The following ELAVL4 variants were observed in gnomAD, a reference collection of about 807,000 sequenced individuals.
ELAVL4 encodes the protein ELAV like RNA binding protein 4.
A neutral mutation model predicts 35.6 loss-of-function variants in ELAVL4; 1 was observed. That is an observed-to-expected ratio of 0.03 (90% CI 0.01 to 0.13). ELAVL4 has a LOEUF of 0.13. Ranked by LOEUF, ELAVL4 falls within the 10% of genes least tolerant of loss-of-function variation. The pLI is 1.00. For synonymous variants in ELAVL4, 156 were observed against 171.0 expected, an observed-to-expected ratio of 0.91 and a Z score of 0.69; for missense variants, 267 against 464.9, an observed-to-expected ratio of 0.57 and a Z score of 3.91.
chr1:50,085,702 G>A (rs1017121185), intron 1 of ELAVL4, among the ~76,000 whole-genome samples: 3 of 152,136 alleles, frequency 2.0e-5, no homozygotes, highest in Admixed American at 1.3e-4. Flanking sequence ...TGACAGATGA[G>A]GTACCATTTT....
At chr1:50,171,323 T>C (rs1356531130) in intron 2 of ELAVL4, among the ~76,000 whole-genome samples, 1 of 152,164 alleles carries the variant, frequency 6.6e-6, no homozygotes, top group African/African-American at 2.4e-5. Flanking sequence ...CACTTAAACT[T>C]GGGCCAGTCC....
chr1:50,127,616 C>T (rs1221820243), intron 1 of ELAVL4, among the ~76,000 whole-genome samples: 1 of 152,116 alleles, frequency 6.6e-6, no homozygotes, highest in African/African-American at 2.4e-5. Flanking sequence ...GATCAAGTGC[C>T]ATGGAACTCA....
chr1:50,148,496 C>T (rs1343097687), intron 2 of ELAVL4, among the ~76,000 whole-genome samples: 1 of 152,192 alleles, frequency 6.6e-6, no homozygotes, highest in Non-Finnish European at 1.5e-5. Context: ...TTTTAAGATA[C>T]CTTGCTTTTG....
chr1:50,083,268 GT>G lies in ELAVL4; in HGVS notation c.18+35088del, dbSNP rs564964178. ...TTTTTGAGACACTGGGTATTGGTTT[GT>G]TGTCCTGGCTTGTCTCAAACCCCCA... On this transcript the variant is annotated intron_variant, in intron 1 of 6. Transcript: ENST00000448907. 9.2e-5 allele frequency among the ~76,000 whole-genome samples: 14 copies of G among 152,068 alleles called. No homozygotes were observed. In the East Asian group the frequency reaches 2.7e-3, roughly 29 times the overall value.
At chr1:50,184,752 C>G (rs779419291) in intron 3 of ELAVL4, among the ~76,000 whole-genome samples, 11 of 152,080 alleles carry the variant, frequency 7.2e-5, no homozygotes, top group Non-Finnish European at 1.0e-4. Context: ...TAATGAGGCT[C>G]CGATCATCGG....
intron 2 of ELAVL4, among the ~76,000 whole-genome samples, chr1:50,158,167 G>A (rs1273525663): frequency 6.6e-6 from 1 of 152,098 alleles, no homozygotes; most frequent in African/African-American, 2.4e-5. Context: ...AACAACACCT[G>A]GCATATAGTA....
At chr1:50,186,282 T>G (rs1276076469) in intron 3 of ELAVL4, among the ~76,000 whole-genome samples, 1 of 152,208 alleles carries the variant, frequency 6.6e-6, no homozygotes, top group East Asian at 1.9e-4. Context: ...TACATTTCAT[T>G]TCACTTGAGA....
At chr1:50,182,845 TTTTATATA>T (rs1681252109) in intron 3 of ELAVL4, among the ~76,000 whole-genome samples, 1 of 152,086 alleles carries the variant, frequency 6.6e-6, no homozygotes, top group Non-Finnish European at 1.5e-5. Context: ...GTGTTAACAT[TTTTATATA>T]TTTATATATT....
chr1:50,174,052 C>A (rs976407948), intron 2 of ELAVL4, among the ~76,000 whole-genome samples: 10 of 152,132 alleles, frequency 6.6e-5, no homozygotes, highest in Admixed American at 6.5e-4. Flanking sequence ...AAACCCATCA[C>A]CAATATATGG....
intron 1 of ELAVL4, among the ~76,000 whole-genome samples, chr1:50,121,996 CTG>C (rs1669121339): frequency 6.6e-6 from 1 of 152,040 alleles, no homozygotes; most frequent in African/African-American, 2.4e-5. Flanking sequence ...GAGTCAGACA[CTG>C]TGCCTTACAA....
At chr1:50,094,012 A>G (rs1168238062) in intron 1 of ELAVL4, among the ~76,000 whole-genome samples, 1 of 152,214 alleles carries the variant, frequency 6.6e-6, no homozygotes, top group African/African-American at 2.4e-5. Flanking sequence ...ACATATAAAG[A>G]GCTAAGAGTA....
At chr1:50,098,975 T>C (rs1199885882), upstream of ELAVL4, among the ~76,000 whole-genome samples, 1 of 152,312 alleles carries the variant, frequency 6.6e-6, no homozygotes, top group African/African-American at 2.4e-5. Context: ...CCGTGGGCTG[T>C]TGATCTAAGG....
rs1644390632 is a variant in ELAVL4, at chr1:50,201,422, A to G, written c.*244A>G. 3.6e-6 allele frequency: 1 copy of G among 277,346 alleles called. No individual in the cohort carries two copies. Among genetic ancestry groups the G allele is most frequent in the Non-Finnish European group, 6.5e-6 (1 of 152,882 alleles). 17.2% of individuals were successfully genotyped at this position (277,346 alleles called of 1,614,324 possible). ...AAAAAACAAAAAATACCTTTGATGCATTGAATGTTCTTTCATAGCTGTCGT... is the reference window on the plus strand; with the variant it reads ...AAAAAACAAAAAATACCTTTGATGCGTTGAATGTTCTTTCATAGCTGTCGT... On this transcript the variant is annotated 3_prime_UTR_variant, in exon 7 of 7. Transcript: ENST00000371824. This position sits in a 1 kb window ranked among gnomAD's most constrained non-coding sequence, Gnocchi z 4.3.
upstream of ELAVL4, among the ~76,000 whole-genome samples, chr1:50,105,061 A>G (rs982592437): frequency 6.6e-6 from 1 of 152,226 alleles, no homozygotes; most frequent in South Asian, 2.1e-4. Context: ...TTTTTAAAAG[A>G]GAGGCTTAAT....
intron 2 of ELAVL4, among the ~76,000 whole-genome samples, chr1:50,176,561 C>A (rs1225001428): frequency 6.6e-6 from 1 of 152,192 alleles, no homozygotes; most frequent in African/African-American, 2.4e-5. Context: ...CTACTCCAAT[C>A]TAGACAATGT....
At chr1:50,083,435 T>C (rs1304239785) in intron 1 of ELAVL4, among the ~76,000 whole-genome samples, 1 of 152,140 alleles carries the variant, frequency 6.6e-6, no homozygotes, top group African/African-American at 2.4e-5. Flanking sequence ...AATTGGAAGC[T>C]TAAAGAGGTT....
At chr1:50,154,869 T>C (rs904601750) in intron 2 of ELAVL4, among the ~76,000 whole-genome samples, 2 of 151,824 alleles carry the variant, frequency 1.3e-5, no homozygotes, top group African/African-American at 2.4e-5. Context: ...TATTAGATAG[T>C]ATGGAAAAAA....
intron 5 of ELAVL4, among the ~76,000 whole-genome samples, chr1:50,196,945 G>T (rs924013173): frequency 5.9e-5 from 9 of 152,146 alleles, no homozygotes; most frequent in African/African-American, 2.2e-4. Context: ...AACTCCCCCT[G>T]CCTCCCAAAA....
At chr1:50,142,744 G>A (rs1479066938) in intron 1 of ELAVL4, among the ~76,000 whole-genome samples, 1 of 152,080 alleles carries the variant, frequency 6.6e-6, no homozygotes, top group Non-Finnish European at 1.5e-5. Context: ...TACACCCTAT[G>A]ATCCCAAAAA....
Sources: allele counts gnomAD v4.1 joint callset (sites outside exome capture counted in the v4.1 genomes callset), GRCh38; gene constraint gnomAD v4.1.1; non-coding constraint Gnocchi (gnomAD v3.1); transcripts MANE v1.5; gene names NCBI Gene and HGNC (gene_info 2026-07-23, HGNC 2026-07-21).